LOC400499: variants seen among roughly 807,000 people sequenced by gnomAD.
the LOC400499 span, among the ~76,000 whole-genome samples, chr16:11,497,711 C>G: frequency 1.4e-5 from 2 of 142,572 alleles, no homozygotes; most frequent in African/African-American, 2.4e-5. Context: ...CAGTAATGAC[C>G]CAGTTGGTTC....
At chr16:11,487,397 G>C in the LOC400499 span, 1 of 399,014 alleles carries the variant, frequency 2.5e-6, no homozygotes, top group East Asian at 3.6e-5. Flanking sequence ...CTAGGAGTAA[G>C]ACAAGAACAT....
At chr16:11,501,225 C>G in the LOC400499 span, among the ~76,000 whole-genome samples, 88,792 of 151,256 alleles carry the variant, frequency 0.59, 26,485 homozygotes, top group Admixed American at 0.7. Flanking sequence ...AAGTCCGTAC[C>G]CAGTGCTCTG....
the LOC400499 span, among the ~76,000 whole-genome samples, chr16:11,505,709 A>C: frequency 0.066 from 10,013 of 151,988 alleles, 915 homozygotes; most frequent in African/African-American, 0.2. Context: ...TCAGCCTCCC[A>C]AAGTGCTGTG....
chr16:11,490,117 G>A, the LOC400499 span, among the ~76,000 whole-genome samples: 3 of 152,164 alleles, frequency 2.0e-5, no homozygotes, highest in African/African-American at 2.4e-5. Flanking sequence ...GCAGCAGGCT[G>A]GACCCAGTGG....
At chr16:11,485,660 A>G in the LOC400499 span, among the ~76,000 whole-genome samples, 4 of 151,702 alleles carry the variant, frequency 2.6e-5, no homozygotes, top group Non-Finnish European at 5.9e-5. Context: ...CCTTTGTTCT[A>G]TCCATCCTTA....
chr16:11,415,441 A>G, the LOC400499 span, among the ~76,000 whole-genome samples: 4 of 152,166 alleles, frequency 2.6e-5, no homozygotes, highest in Admixed American at 6.5e-5. Context: ...TTCCTTATCT[A>G]TGAGGTGGGC....
chr16:11,447,036 G>A, the LOC400499 span: 1 of 1,144,706 alleles, frequency 8.7e-7, no homozygotes, highest in Non-Finnish European at 1.2e-6. Flanking sequence ...CTGCCACAGA[G>A]AAGAGAACAT....
chr16:11,389,063 G>A, the LOC400499 span, among the ~76,000 whole-genome samples: 1 of 152,104 alleles, frequency 6.6e-6, no homozygotes, highest in Non-Finnish European at 1.5e-5. Context: ...CTCCAGCCTG[G>A]GCAACAAAGA....
the LOC400499 span, chr16:11,457,012 C>G: frequency 6.5e-7 from 1 of 1,533,754 alleles, no homozygotes; most frequent in South Asian, 1.2e-5. Context: ...CGGCAATCCA[C>G]CTGCCTCTCA....
the LOC400499 span, among the ~76,000 whole-genome samples, chr16:11,520,610 T>A: frequency 1.5e-5 from 2 of 135,656 alleles, no homozygotes; most frequent in Non-Finnish European, 3.0e-5. Context: ...GAGATTGCAA[T>A]GAGCTGAGAT....
At chr16:11,442,789 G>A in the LOC400499 span, among the ~76,000 whole-genome samples, 9 of 152,158 alleles carry the variant, frequency 5.9e-5, no homozygotes, top group Non-Finnish European at 2.9e-5. Flanking sequence ...CATGGCGCCG[G>A]CTCTGCAATC....
the LOC400499 span, among the ~76,000 whole-genome samples, chr16:11,385,800 T>C: frequency 1.3e-5 from 2 of 152,184 alleles, no homozygotes; most frequent in Admixed American, 6.5e-5. Flanking sequence ...TTTGGGGTGA[T>C]GAAAATGTTT....
chr16:11,454,114 C>G, the LOC400499 span, among the ~76,000 whole-genome samples: 1 of 152,148 alleles, frequency 6.6e-6, no homozygotes, highest in Non-Finnish European at 1.5e-5. Flanking sequence ...AGAAAAGGGT[C>G]ACATACAAAA....
chr16:11,511,193 T>C, the LOC400499 span, among the ~76,000 whole-genome samples: 1 of 152,074 alleles, frequency 6.6e-6, no homozygotes, highest in South Asian at 2.1e-4. Context: ...TGATGGGGTT[T>C]CGTCACGTTG....
the LOC400499 span, among the ~76,000 whole-genome samples, chr16:11,414,786 T>C: frequency 6.6e-6 from 1 of 152,216 alleles, no homozygotes; most frequent in Non-Finnish European, 1.5e-5. Context: ...TCCAAGAAGC[T>C]TCCCTTGACT....
At chr16:11,379,449 C>G in the LOC400499 span, among the ~76,000 whole-genome samples, 1 of 152,202 alleles carries the variant, frequency 6.6e-6, no homozygotes, top group Non-Finnish European at 1.5e-5. Context: ...TCGATTTTGT[C>G]TGATATTAGT....
the LOC400499 span, chr16:11,450,541 C>T: frequency 6.8e-7 from 1 of 1,474,598 alleles, no homozygotes; most frequent in South Asian, 1.2e-5. Context: ...CTTTCATCCG[C>T]CTCTGCACCA....
At chr16:11,460,675 GAGA>G in the LOC400499 span, 59 of 1,468,230 alleles carry the variant, frequency 4.0e-5, no homozygotes, top group Non-Finnish European at 5.1e-5. Context: ...AGGGCTCCAA[GAGA>G]AGGAGGGCCC....
the LOC400499 span, chr16:11,439,563 C>T: frequency 1.0e-5 from 4 of 399,054 alleles, no homozygotes; most frequent in Middle Eastern, 6.2e-4. Flanking sequence ...GAGTCAGATC[C>T]GTTCAGCTGG....
Sources: allele counts gnomAD v4.1 joint callset (sites outside exome capture counted in the v4.1 genomes callset), GRCh38; gene constraint gnomAD v4.1.1; transcripts MANE v1.5.